The following MPP2 variants were observed in gnomAD, a reference collection of about 807,000 sequenced individuals.
MPP2 encodes MAGUK p55 scaffold protein 2, also known as MAGUK p55 subfamily member 2.
MPP2 carries 42 observed loss-of-function variants against 58.5 expected under a neutral mutation model. That is an observed-to-expected ratio of 0.72 (90% CI 0.56 to 0.93). MPP2 has a LOEUF of 0.93. Among genes scored for constraint, MPP2 ranks in the 40% least tolerant of loss-of-function variants. The pLI, the probability that MPP2 is intolerant of heterozygous loss-of-function variation, is 0.00. For synonymous variants in MPP2, 300 were observed against 307.8 expected, an observed-to-expected ratio of 0.97 and a Z score of 0.26; for missense variants, 632 against 760.4, an observed-to-expected ratio of 0.83 and a Z score of 1.99.
At chr17:43,895,857 AC>A (rs2143715512) in intron 3 of MPP2, among the ~76,000 whole-genome samples, 1 of 152,162 alleles carries the variant, frequency 6.6e-6, no homozygotes, top group African/African-American at 2.4e-5. Flanking sequence ...AATGAAAAGC[AC>A]CCTGCCTTTC....
At chr17:43,907,867 TG>T (rs940812003), upstream of MPP2, 34 of 985,470 alleles carry the variant, frequency 3.5e-5, no homozygotes, top group African/African-American at 5.6e-4. Flanking sequence ...CCACCCATCT[TG>T]GCTTAGACCG....
At chr17:43,907,874 G>A (rs2048355037), upstream of MPP2, 2 of 985,448 alleles carry the variant, frequency 2.0e-6, no homozygotes, top group Non-Finnish European at 2.4e-6. Context: ...TCTTGGCTTA[G>A]ACCGGCGTTC....
intron 2 of MPP2, chr17:43,900,331 C>A: frequency 1.1e-6 from 1 of 887,526 alleles, no homozygotes; most frequent in East Asian, 2.7e-5. Context: ...GAGTTGGTGC[C>A]CTCTGCCCAG....
intron 3 of MPP2, among the ~76,000 whole-genome samples, chr17:43,894,562 A>G (rs1409484651): frequency 7.4e-6 from 1 of 135,920 alleles, no homozygotes; most frequent in Admixed American, 8.2e-5. Flanking sequence ...GGTTGCAGTG[A>G]GCCGAGATTG....
chr17:43,892,797 A>C (rs115639394), intron 3 of MPP2, among the ~76,000 whole-genome samples: 3 of 152,172 alleles, frequency 2.0e-5, no homozygotes, highest in African/African-American at 7.2e-5. Flanking sequence ...GTTTACTTAC[A>C]ATGTGACACA....
Position 43,880,588 on chromosome 17 carries a change from C to T in MPP2, c.1150+103G>A. On this transcript the variant is annotated intron_variant, in intron 10 of 12. Transcript: ENST00000269095. The surrounding 1 kb of genome is among the most constrained non-coding windows in gnomAD (Gnocchi z 5.2). ...CAACCCGTGTACCCAAAGGTACCAC[C>T]TGGCCTGGTGCCCATGAAGATGCCC... 1 of 1,371,010 alleles carries T rather than the reference C, an allele frequency of 7.3e-7. No homozygotes were observed. The highest frequency in any genetic ancestry group is 1.5e-5 in the South Asian group (1 of 66,524). The allele number at this position is 1,371,010 out of a possible 1,614,324, so 84.9% of individuals were successfully genotyped here. A position where few individuals can be genotyped will look rare whatever the true frequency, so the allele number is the denominator to read the frequency against.
intron 1 of MPP2, among the ~76,000 whole-genome samples, chr17:43,904,993 T>C (rs1288855735): frequency 6.6e-6 from 1 of 151,804 alleles, no homozygotes; most frequent in African/African-American, 2.4e-5. Flanking sequence ...CTGGGCAACA[T>C]GGCGAGACCC....
chr17:43,883,092 T>G (rs747626592), intron 4 of MPP2, 40 bp from the exon 5 acceptor site: 19 of 1,581,132 alleles, frequency 1.2e-5, no homozygotes, highest in Non-Finnish European at 1.5e-5. Flanking sequence ...TGGGGCAGTG[T>G]CCCGGGTCTC....
intron 2 of MPP2, chr17:43,900,476 C>A: frequency 6.5e-7 from 1 of 1,549,432 alleles, no homozygotes; most frequent in South Asian, 1.2e-5. Context: ...CCTACCTTCC[C>A]TCTGGAGCTC....
At chr17:43,889,935 C>G (rs2047535794) in intron 3 of MPP2, among the ~76,000 whole-genome samples, 1 of 151,406 alleles carries the variant, frequency 6.6e-6, no homozygotes, top group African/African-American at 2.4e-5. Flanking sequence ...GCCTCAGCCT[C>G]CCGAGTAGCT....
intron 4 of MPP2, 51 bp downstream of exon 4, chr17:43,883,152 C>T: frequency 6.4e-7 from 1 of 1,561,742 alleles, no homozygotes; most frequent in Non-Finnish European, 8.7e-7. Context: ...AGCAGCATGC[C>T]CCAGTCCACC....
chr17:43,901,249 G>A (rs917080692), intron 2 of MPP2: 5 of 985,120 alleles, frequency 5.1e-6, no homozygotes, highest in Non-Finnish European at 3.6e-6. Flanking sequence ...AGGTGGCATC[G>A]CTGTGGGTAG....
chr17:43,878,423 T>C (rs1161242577), intron 12 of MPP2, among the ~76,000 whole-genome samples: 1 of 152,066 alleles, frequency 6.6e-6, no homozygotes, highest in Non-Finnish European at 1.5e-5. Flanking sequence ...ACCAGGGCAA[T>C]CCACAAGTAC....
chr17:43,882,168 AC>A, intron 6 of MPP2, 115 bp downstream of exon 6: 2 of 1,012,390 alleles, frequency 2.0e-6, no homozygotes, highest in South Asian at 3.1e-5. Context: ...TGCAGGTCCC[AC>A]CCCCATCTTC....
intron 7 of MPP2, 33 bp from the exon 8 acceptor site, chr17:43,881,382 G>A (rs753803946): frequency 6.2e-7 from 1 of 1,614,074 alleles, no homozygotes; most frequent in Non-Finnish European, 8.5e-7. Context: ...ATCTGCCTGA[G>A]CAAGAGGACC....
chr17:43,895,788 C>CCCCTACTCCCAGCTTCTTGT lies in MPP2; in HGVS notation c.150+2454_150+2473dup, dbSNP rs575155716. ...GAGTAGCTGGGACTACAGGTGCATG[C>CCCCTACTCCCAGCTTCTTGT]CCCTACTCCCAGCTTCTTGTCTTTA... On this transcript the variant is annotated intron_variant, in intron 3 of 12. Transcript: ENST00000269095. Among the ~76,000 whole-genome samples the CCCCTACTCCCAGCTTCTTGT allele has an allele frequency of 3.1e-3, 470 of 152,298 alleles. 2 individuals carry two copies. Among genetic ancestry groups the CCCCTACTCCCAGCTTCTTGT allele is most frequent in the Non-Finnish European group, 6.0e-3 (406 of 68,028 alleles).
chr17:43,893,493 A>G (rs921755270), intron 3 of MPP2, among the ~76,000 whole-genome samples: 6 of 152,178 alleles, frequency 3.9e-5, no homozygotes, highest in East Asian at 3.8e-4. Flanking sequence ...AGCTCTATTC[A>G]TATATTAGAA....
At chr17:43,899,051 G>C (rs1046733043) in intron 2 of MPP2, among the ~76,000 whole-genome samples, 3 of 152,138 alleles carry the variant, frequency 2.0e-5, no homozygotes, top group Non-Finnish European at 4.4e-5. Context: ...TTCAAGACCA[G>C]CCTGGCCAAC....
At chr17:43,904,364 C>G (rs1212598759) in intron 2 of MPP2, 66 bp downstream of exon 2, 1 of 1,528,522 alleles carries the variant, frequency 6.5e-7, no homozygotes, top group African/African-American at 1.4e-5. Context: ...AAGTGCCCAC[C>G]CCTAAGTCCT....
Sources: gnomAD v4.1 joint callset for allele counts (sites outside exome capture counted in the v4.1 genomes callset) on GRCh38, gnomAD v4.1.1 for gene constraint, Gnocchi (gnomAD v3.1) non-coding constraint, MANE v1.5 for transcripts, NCBI Gene and HGNC (gene_info 2026-07-23, HGNC 2026-07-21) for gene names.